FAM107B: variants seen among roughly 807,000 people sequenced by gnomAD.
FAM107B encodes family with sequence similarity 107 member B, also known as protein FAM107B.
In FAM107B, 21 loss-of-function variants were observed where a neutral mutation model predicts 31.5. That is an observed-to-expected ratio of 0.67 (90% confidence interval 0.47 to 0.96). The LOEUF (loss-of-function observed/expected upper bound fraction) is 0.96, where lower values mean the gene tolerates loss of function less well. Ranked by LOEUF, FAM107B falls within the 40% of genes least tolerant of loss-of-function variation. The probability of loss-of-function intolerance (pLI) is 0.00; values close to 1 mark genes in which losing one functional copy is unlikely to be tolerated. For missense variants in FAM107B, 452 were observed against 377.1 expected (o/e 1.20, Z -1.64); for synonymous variants, 157 against 141.5 (o/e 1.11, Z -0.78).
chr10:14,759,881 T>G (rs1445116106), intron 1 of FAM107B, among the ~76,000 whole-genome samples: 4 of 151,990 alleles, frequency 2.6e-5, no homozygotes, highest in Non-Finnish European at 5.9e-5. Context: ...CCGGCTAACT[T>G]ATGTATTTTT....
At chr10:14,650,639 G>A (rs1194550226) in intron 2 of FAM107B, among the ~76,000 whole-genome samples, 2 of 152,134 alleles carry the variant, frequency 1.3e-5, no homozygotes, top group Non-Finnish European at 2.9e-5. Context: ...ATTGTGCTAC[G>A]TATTGAGCAT....
intron 1 of FAM107B, among the ~76,000 whole-genome samples, chr10:14,756,884 A>G (rs1329623789): frequency 2.0e-5 from 3 of 152,230 alleles, no homozygotes; most frequent in Admixed American, 6.5e-5. Flanking sequence ...ACTGGAGGCC[A>G]TCATTCTTAG....
chr10:14,544,624 G>A (rs772720309), intron 2 of FAM107B, among the ~76,000 whole-genome samples: 5 of 152,100 alleles, frequency 3.3e-5, no homozygotes, highest in Non-Finnish European at 5.9e-5. Context: ...AGGCCTTACC[G>A]TGAAACACCC....
At chr10:14,745,236 T>G (rs919878591) in intron 1 of FAM107B, among the ~76,000 whole-genome samples, 1 of 151,818 alleles carries the variant, frequency 6.6e-6, no homozygotes, top group Admixed American at 6.6e-5. Context: ...TTCATTATTT[T>G]TTTTCAAAAA....
rs147705008 is a variant in FAM107B, at chr10:14,686,031, C to T, written c.412-18340G>A. Among the ~76,000 whole-genome samples the T allele has an allele frequency of 3.2e-3, 486 of 152,170 alleles. 6 individuals are homozygous for T. The East Asian group carries it at 0.049, about 15-fold the overall frequency. ...CACGAGAACCATCTAGGGGACCCCA[C>T]CCCCCTGATTCAATTATCTCCACCT... On this transcript the variant is annotated intron_variant, in intron 1 of 4. Coordinates refer to ENST00000181796, the MANE Select transcript of FAM107B (RefSeq NM_031453.4).
intron 1 of FAM107B, among the ~76,000 whole-genome samples, chr10:14,753,789 T>C (rs10508482): frequency 0.089 from 13,550 of 152,194 alleles, 624 homozygotes; most frequent in South Asian, 0.11. Context: ...CATTTCCATT[T>C]TAGTAACCAG....
At position 14,522,002 on chromosome 10, in the gene FAM107B, T is replaced by C. The variant is rs920565630; in HGVS notation, c.671A>G (p.Asn224Ser). 4.0e-5 allele frequency: 65 copies of C among 1,613,750 alleles called. No homozygotes were observed. Among genetic ancestry groups the C allele is most frequent in the Non-Finnish European group, 5.1e-5 (60 of 1,180,004 alleles). Residue 224 changes from asparagine to serine, a missense_variant, in exon 4 of 5, where the codon AAC becomes AGC. Physicochemically the swap from Asn to Ser is conservative, Grantham distance 46. Transcript: ENST00000181796. The stretch of plus-strand genomic sequence containing the variant: ...CATCACCTTCTGCAATTCTGGTTTG[T>C]TCTGAGGAGCAAGACCCCTGCGAAA... ...MNQKRGLAPQ[N>S]KPELQKVMEK... is the part of the protein sequence containing the mutation.
At chr10:14,668,287 C>T (rs1210707726) in intron 1 of FAM107B, among the ~76,000 whole-genome samples, 3 of 152,152 alleles carry the variant, frequency 2.0e-5, no homozygotes, top group Non-Finnish European at 4.4e-5. Flanking sequence ...TCATGATCTG[C>T]CTGCCTTGGC....
intron 3 of FAM107B, among the ~76,000 whole-genome samples, chr10:14,525,007 A>G (rs951430891): frequency 1.3e-5 from 2 of 152,250 alleles, no homozygotes; most frequent in African/African-American, 2.4e-5. Flanking sequence ...TGGTGCTTAT[A>G]TGATAAATAT....
chr10:14,664,239 C>T (rs974903122), intron 2 of FAM107B, among the ~76,000 whole-genome samples: 4 of 152,190 alleles, frequency 2.6e-5, no homozygotes, highest in African/African-American at 9.7e-5. Context: ...TCCATAGTAT[C>T]CTGCTTTCTC....
At chr10:14,558,297 GCA>G (rs1411957912) in intron 2 of FAM107B, among the ~76,000 whole-genome samples, 1 of 148,324 alleles carries the variant, frequency 6.7e-6, no homozygotes, top group African/African-American at 2.6e-5. Context: ...ACACATACAC[GCA>G]CACACGCACA....
At chr10:14,747,264 T>C (rs1045966230) in intron 1 of FAM107B, among the ~76,000 whole-genome samples, 3 of 152,222 alleles carry the variant, frequency 2.0e-5, no homozygotes, top group African/African-American at 4.8e-5. Flanking sequence ...GCAAAGTTCA[T>C]TATTACTCGC....
intron 1 of FAM107B, among the ~76,000 whole-genome samples, chr10:14,720,164 G>A (rs934113418): frequency 6.6e-6 from 1 of 152,198 alleles, no homozygotes; most frequent in Non-Finnish European, 1.5e-5. Flanking sequence ...CCATTTCATA[G>A]TTATCAAGTA....
intron 2 of FAM107B, among the ~76,000 whole-genome samples, chr10:14,641,414 C>G (rs965848115): frequency 3.3e-5 from 5 of 152,194 alleles, no homozygotes; most frequent in Non-Finnish European, 7.3e-5. Flanking sequence ...TTTCAGATGA[C>G]TGGCTCTCTT....
chr10:14,558,953 C>A (rs1450289345), intron 2 of FAM107B, among the ~76,000 whole-genome samples: 1 of 151,994 alleles, frequency 6.6e-6, no homozygotes, highest in African/African-American at 2.4e-5. Context: ...CAAAGAGTAA[C>A]AGAATTATAC....
rs1833384279 is a variant in FAM107B, at chr10:14,774,737, G to T, written c.-74C>A. On this transcript the variant is annotated 5_prime_UTR_variant, in exon 1 of 5. Coordinates refer to ENST00000181796, the MANE Select transcript of FAM107B (RefSeq NM_031453.4). ...CAGGGGTCCACATCACCTCCACTTT[G>T]CTTATAGGAACTCTTTCCAATTGCC... is the stretch of plus-strand genomic sequence containing the variant. 2.0e-6 allele frequency: 3 copies of T among 1,474,180 alleles called. No individual in the cohort carries two copies. The highest frequency in any genetic ancestry group is 2.8e-6 in the Non-Finnish European group (3 of 1,084,284). 91.3% of individuals were successfully genotyped at this position (1,474,180 alleles called of 1,614,324 possible).
rs537029300 is a variant in FAM107B at position 14,737,992 on chromosome 10, G to A, written c.411+36261C>T. Among the ~76,000 whole-genome samples, 635 of 152,112 alleles carry A rather than the reference G, an allele frequency of 4.2e-3. 1 individual carries two copies. Among genetic ancestry groups the A allele is most frequent in the Non-Finnish European group, 7.1e-3 (483 of 68,006 alleles). ...GTTTCATTCCCCCGACACAGCAGCC[G>A]CTAATGCCACCACTCTAGAGTGTTT... On this transcript the variant is annotated intron_variant, in intron 1 of 4. Coordinates refer to ENST00000181796, the MANE Select transcript of FAM107B (RefSeq NM_031453.4).
intron 2 of FAM107B, among the ~76,000 whole-genome samples, chr10:14,609,348 T>A (rs74495503): frequency 6.4e-4 from 97 of 152,288 alleles, no homozygotes; most frequent in African/African-American, 2.2e-3. Flanking sequence ...TCATAGTTCA[T>A]CTTGTCTGGA....
At chr10:14,719,643 G>C (rs1200414185) in intron 1 of FAM107B, among the ~76,000 whole-genome samples, 2 of 152,202 alleles carry the variant, frequency 1.3e-5, no homozygotes, top group African/African-American at 4.8e-5. Flanking sequence ...GGCACTAGGG[G>C]ATTCGAGGGG....
Sources: gnomAD v4.1 joint callset for allele counts (sites outside exome capture counted in the v4.1 genomes callset) on GRCh38, gnomAD v4.1.1 for gene constraint, MANE v1.5 for transcripts, NCBI Gene and HGNC (gene_info 2026-07-23, HGNC 2026-07-21) for gene names.